The following NMNAT2 variants were observed in gnomAD, a reference collection of about 807,000 sequenced individuals.
NMNAT2 encodes nicotinamide/nicotinic acid mononucleotide adenylyltransferase 2.
Under a neutral mutation model 41.6 loss-of-function variants are expected in NMNAT2, and 11 were observed. The ratio of observed to expected loss-of-function variants is 0.26; its 90% confidence interval spans 0.17 to 0.44. The LOEUF is 0.44. NMNAT2 is among the 20% of genes least tolerant of loss of function. The pLI, the probability that NMNAT2 is intolerant of heterozygous loss-of-function variation, is 1.00. For synonymous variants in NMNAT2, 148 were observed against 151.2 expected (o/e 0.98, Z 0.16); for missense variants, 288 against 407.7 (o/e 0.71, Z 2.53).
chr1:183,251,497 G>GT lies in NMNAT2; in HGVS notation c.*1143dup, dbSNP rs770839321. The GT allele has an allele frequency of 6.6e-4, 101 of 152,264 alleles. No individual in the cohort carries two copies. The highest frequency in any genetic ancestry group is 9.8e-4 in the Non-Finnish European group (67 of 68,124). 9.4% of individuals were successfully genotyped at this position (152,264 alleles called of 1,614,324 possible). A position where few individuals can be genotyped will look rare whatever the true frequency, so the allele number is the denominator to read the frequency against. ...CTCCAGGGTTGAGTGGACTCCTAGTGTTTTTTTGTTTTGTTTTGTTTTTTT... is the reference window on the plus strand; with the variant it reads ...CTCCAGGGTTGAGTGGACTCCTAGTGTTTTTTTTGTTTTGTTTTGTTTTTTT... On this transcript the variant is annotated 3_prime_UTR_variant, in exon 11 of 11. Transcript: ENST00000287713.
At chr1:183,296,613 A>G (rs1661705893) in intron 1 of NMNAT2, among the ~76,000 whole-genome samples, 1 of 151,894 alleles carries the variant, frequency 6.6e-6, no homozygotes, top group Non-Finnish European at 1.5e-5. Flanking sequence ...CCTGGGTTCA[A>G]GTGATTCTTG....
intron 1 of NMNAT2, among the ~76,000 whole-genome samples, chr1:183,302,533 G>A (rs1661883485): frequency 6.6e-6 from 1 of 152,138 alleles, no homozygotes; most frequent in South Asian, 2.1e-4. Context: ...TATCCCTCTA[G>A]CCAATTCCTA....
Position 183,316,065 on chromosome 1 carries a change from T to C in NMNAT2, c.86-22272A>G, listed in dbSNP as rs12090982. Among the ~76,000 whole-genome samples the C allele has an allele frequency of 3.3e-3, 510 of 152,316 alleles. 5 individuals carry two copies. Among genetic ancestry groups the C allele is most frequent in the African/African-American group, 0.011 (477 of 41,574 alleles). Reference sequence around the variant, plus strand: ...GGAGAGGAGTCAGCCAGGACCTCTGTTCTTGGGCTGTTTCTGTCCATCCCT... The same window carrying C: ...GGAGAGGAGTCAGCCAGGACCTCTGCTCTTGGGCTGTTTCTGTCCATCCCT... On this transcript the variant is annotated intron_variant, in intron 1 of 10. Transcript: ENST00000287713.
intron 1 of NMNAT2, among the ~76,000 whole-genome samples, chr1:183,355,255 T>A (rs1663159147): frequency 6.6e-6 from 1 of 152,226 alleles, no homozygotes; most frequent in South Asian, 2.1e-4. Context: ...CCTCCTCATA[T>A]GCTCTCCCAG....
chr1:183,256,293 C>T (rs1343976718), intron 10 of NMNAT2, among the ~76,000 whole-genome samples: 1 of 151,926 alleles, frequency 6.6e-6, no homozygotes, highest in Non-Finnish European at 1.5e-5. Flanking sequence ...CCTGTAATCC[C>T]AGCTACTTAG....
intron 1 of NMNAT2, among the ~76,000 whole-genome samples, chr1:183,331,747 C>G (rs1662590480): frequency 6.6e-6 from 1 of 152,192 alleles, no homozygotes; most frequent in African/African-American, 2.4e-5. Flanking sequence ...CCAGGCTACC[C>G]CATAGCCAGC....
At chr1:183,271,676 G>T (rs545414486) in intron 8 of NMNAT2, among the ~76,000 whole-genome samples, 1 of 150,178 alleles carries the variant, frequency 6.7e-6, no homozygotes, top group Admixed American at 6.7e-5. Context: ...ATAAATACAT[G>T]CTACGTTTAT....
intron 1 of NMNAT2, among the ~76,000 whole-genome samples, chr1:183,393,133 C>A (rs778208603): frequency 6.6e-6 from 1 of 152,142 alleles, no homozygotes; most frequent in Non-Finnish European, 1.5e-5. Flanking sequence ...TAATTCACCT[C>A]GAGTGGAAGA....
chr1:183,313,329 C>G (rs1251065659), intron 1 of NMNAT2, among the ~76,000 whole-genome samples: 1 of 152,172 alleles, frequency 6.6e-6, no homozygotes, highest in Non-Finnish European at 1.5e-5. Flanking sequence ...AGGGAGGTAC[C>G]TGACTTCTGG....
chr1:183,418,287 C>T lies in NMNAT2; in HGVS notation c.-20G>A, dbSNP rs780691675. ...GGTCATGGTGCAGATGGGTCCTTCG[C>T]GGTGGTCTAGGGGTTGCCTCTCTTT... On this transcript the variant is annotated 5_prime_UTR_variant, in exon 1 of 11. Coordinates refer to ENST00000287713, the MANE Select transcript of NMNAT2 (RefSeq NM_015039.4). The T allele has an allele frequency of 6.2e-7, 1 of 1,612,020 alleles. No individual in the cohort carries two copies. Among genetic ancestry groups the T allele is most frequent in the Non-Finnish European group, 8.5e-7 (1 of 1,178,350 alleles).
At chr1:183,371,770 GT>G (rs1663549408) in intron 1 of NMNAT2, among the ~76,000 whole-genome samples, 1 of 152,034 alleles carries the variant, frequency 6.6e-6, no homozygotes, top group Non-Finnish European at 1.5e-5. Context: ...TTTTGTTTCT[GT>G]TTGTTTGTTT....
At chr1:183,268,092 G>A (rs1208061909) in intron 8 of NMNAT2, among the ~76,000 whole-genome samples, 2 of 152,136 alleles carry the variant, frequency 1.3e-5, no homozygotes, top group African/African-American at 4.8e-5. Context: ...GGATGTGGGA[G>A]GGGGTAGACT....
chr1:183,308,839 G>C lies in NMNAT2; in HGVS notation c.86-15046C>G, dbSNP rs561865960. Among the ~76,000 whole-genome samples, 16 of 152,326 alleles carry C rather than the reference G, an allele frequency of 1.1e-4. No homozygotes were observed. In the East Asian group the frequency reaches 2.5e-3, roughly 24 times the overall value. ...GCAAATGGCAAGCCATCAGCCATAC[G>C]ACAGTGAGGAGGAAAGTGCTGCAGA... On this transcript the variant is annotated intron_variant, in intron 1 of 10. Coordinates refer to ENST00000287713, the MANE Select transcript of NMNAT2 (RefSeq NM_015039.4).
chr1:183,274,757 C>A (rs1157426847), intron 8 of NMNAT2, among the ~76,000 whole-genome samples: 4 of 148,752 alleles, frequency 2.7e-5, no homozygotes, highest in South Asian at 4.3e-4. Flanking sequence ...CATAGTGAGA[C>A]CTTGTCTCTA....
At chr1:183,273,635 C>T (rs1661040756) in intron 8 of NMNAT2, among the ~76,000 whole-genome samples, 1 of 152,188 alleles carries the variant, frequency 6.6e-6, no homozygotes, top group African/African-American at 2.4e-5. Flanking sequence ...CAACCTTCCC[C>T]AAATAAGAGC....
At chr1:183,286,520 C>T in intron 5 of NMNAT2, 142 bp downstream of exon 5, 1 of 639,104 alleles carries the variant, frequency 1.6e-6, no homozygotes. Context: ...GCAGCATCAG[C>T]AGCACCTTAT....
intron 1 of NMNAT2, among the ~76,000 whole-genome samples, chr1:183,394,909 T>G (rs1648590873): frequency 6.6e-6 from 1 of 152,190 alleles, no homozygotes; most frequent in Non-Finnish European, 1.5e-5. Context: ...TGGATGCTCA[T>G]TGACAATGTC....
intron 1 of NMNAT2, among the ~76,000 whole-genome samples, chr1:183,319,915 T>C (rs1662325148): frequency 6.6e-6 from 1 of 152,246 alleles, no homozygotes; most frequent in Non-Finnish European, 1.5e-5. Context: ...TATCTCATTA[T>C]GGTAGGAAAG....
intron 1 of NMNAT2, among the ~76,000 whole-genome samples, chr1:183,346,986 C>T (rs910146596): frequency 6.6e-6 from 1 of 152,190 alleles, no homozygotes; most frequent in African/African-American, 2.4e-5. Flanking sequence ...CAGATTCCAC[C>T]TCCTCCATGA....
Sources: allele counts gnomAD v4.1 joint callset (sites outside exome capture counted in the v4.1 genomes callset), GRCh38; gene constraint gnomAD v4.1.1; transcripts MANE v1.5; gene names NCBI Gene and HGNC (gene_info 2026-07-23, HGNC 2026-07-21).